SRFBP1: variants seen among roughly 807,000 people sequenced by gnomAD.
SRFBP1 encodes the protein serum response factor-binding protein 1.
Under a neutral mutation model 45.5 loss-of-function variants are expected in SRFBP1, and 47 were observed. That is an observed-to-expected ratio of 1.03 (90% CI 0.82 to 1.32). The LOEUF is 1.32. SRFBP1 is among the 40% of genes most tolerant of loss of function. The pLI, the probability that SRFBP1 is intolerant of heterozygous loss-of-function variation, is 0.00. For synonymous variants in SRFBP1, 203 were observed against 166.3 expected, an observed-to-expected ratio of 1.22 and a Z score of -1.70; for missense variants, 621 against 484.6, an observed-to-expected ratio of 1.28 and a Z score of -2.64.
chr5:121,989,699 C>T (rs373932433), intron 3 of SRFBP1, among the ~76,000 whole-genome samples: 7 of 152,232 alleles, frequency 4.6e-5, no homozygotes, highest in South Asian at 2.1e-4. Flanking sequence ...CTGGCACCTG[C>T]GTGGCTAAAT....
intron 4 of SRFBP1, among the ~76,000 whole-genome samples, chr5:122,007,359 T>G (rs1648801242): frequency 6.7e-6 from 1 of 149,422 alleles, no homozygotes; most frequent in South Asian, 2.1e-4. Flanking sequence ...CTCTGGATCC[T>G]CTAGAGCCTG....
chr5:122,040,142 A>G (rs1753750696), intron 2 of SRFBP1, among the ~76,000 whole-genome samples: 2 of 152,046 alleles, frequency 1.3e-5, no homozygotes, highest in Admixed American at 1.3e-4. Context: ...ATGTTGGGTC[A>G]TTACTTTTGA....
rs2112706948 is a variant in SRFBP1, at chr5:122,020,011, T to G, written c.353-77T>G. 15 of 973,232 alleles carry G rather than the reference T, an allele frequency of 1.5e-5. No homozygotes were observed. The South Asian group carries it at 3.4e-4, about 22-fold the overall frequency. 60.3% of individuals were successfully genotyped at this position (973,232 alleles called of 1,614,324 possible). A position where few individuals can be genotyped will look rare whatever the true frequency, so the allele number is the denominator to read the frequency against. ...CCTCTTAAATCTTTTCAAATAATTT[T>G]TTAAAATACTGTCCTAAAACAGTCA... On this transcript the variant is annotated intron_variant, in intron 5 of 7. Transcript: ENST00000339397.
At chr5:122,073,592 T>C (rs1437813741) in intron 2 of SRFBP1, among the ~76,000 whole-genome samples, 1 of 152,180 alleles carries the variant, frequency 6.6e-6, no homozygotes, top group East Asian at 1.9e-4. Context: ...GGTTAAGGAA[T>C]ACAGAATGGG....
At chr5:121,967,198 A>G (rs1432815340) in intron 1 of SRFBP1, among the ~76,000 whole-genome samples, 1 of 152,222 alleles carries the variant, frequency 6.6e-6, no homozygotes, top group Non-Finnish European at 1.5e-5. Context: ...GAACAAAATG[A>G]GTTTCCTCCA....
chr5:122,048,195 C>G (rs1753899022), intron 2 of SRFBP1, among the ~76,000 whole-genome samples: 1 of 152,122 alleles, frequency 6.6e-6, no homozygotes. Context: ...TCGTAGATAG[C>G]TCTTATTATT....
At chr5:122,011,914 A>T (rs908942791) in intron 4 of SRFBP1, among the ~76,000 whole-genome samples, 2 of 152,152 alleles carry the variant, frequency 1.3e-5, no homozygotes, top group Admixed American at 6.5e-5. Context: ...ACCTGAGCCC[A>T]TCTGCTTCAC....
rs917279116 is a variant in SRFBP1 at position 122,007,639 on chromosome 5, C to T, written c.271-11621C>T. Among the ~76,000 whole-genome samples the T allele has an allele frequency of 4.0e-5, 6 of 150,626 alleles. No homozygotes were observed. The South Asian group carries it at 1.1e-3, about 26-fold the overall frequency. On this transcript the variant is annotated intron_variant, in intron 4 of 7. Transcript: ENST00000339397. ...GGCCCGGGACCTGTGTAGACAGGAG[C>T]GGTCCTGCACCCTGGGTCTGTGTTG...
At chr5:122,044,408 T>A (rs1282709281) in intron 2 of SRFBP1, among the ~76,000 whole-genome samples, 1 of 152,170 alleles carries the variant, frequency 6.6e-6, no homozygotes, top group African/African-American at 2.4e-5. Context: ...CTCTTTCGAG[T>A]TCTTTGAGGA....
chr5:122,074,786 G>A (rs1054867656), intron 2 of SRFBP1, among the ~76,000 whole-genome samples: 6 of 151,936 alleles, frequency 3.9e-5, no homozygotes, highest in Non-Finnish European at 7.4e-5. Context: ...TCCCACATAA[G>A]GAAAAAACAA....
At chr5:121,985,040 A>G (rs1244356036) in intron 3 of SRFBP1, among the ~76,000 whole-genome samples, 2 of 151,918 alleles carry the variant, frequency 1.3e-5, no homozygotes, top group African/African-American at 4.8e-5. Flanking sequence ...ACAAAAATAT[A>G]TGTCTATACT....
chr5:121,969,447 C>T (rs1196125344), intron 1 of SRFBP1, among the ~76,000 whole-genome samples: 1 of 152,022 alleles, frequency 6.6e-6, no homozygotes, highest in Non-Finnish European at 1.5e-5. Context: ...ACACTGCCAA[C>T]TTTTGCCTCT....
chr5:122,035,008 A>C (rs1753665931), intron 2 of SRFBP1, among the ~76,000 whole-genome samples: 1 of 151,638 alleles, frequency 6.6e-6, no homozygotes, highest in Non-Finnish European at 1.5e-5. Context: ...TGGGCAGAGG[A>C]TAGCTTTCTG....
At position 121,962,085 on chromosome 5, in the gene SRFBP1, C is replaced by A; in HGVS notation, c.36+17C>A. ...AATAACGAGGTGAGCGCCGAGGAAC[C>A]TATGGGGCTGACTTTAAGGGTCCTC... is the stretch of plus-strand genomic sequence containing the variant. On this transcript the variant is annotated intron_variant, in intron 1 of 7. Coordinates refer to ENST00000339397, the MANE Select transcript of SRFBP1 (RefSeq NM_152546.3). The A allele has an allele frequency of 1.2e-6, 2 of 1,613,982 alleles. No individual in the cohort carries two copies. Among genetic ancestry groups the A allele is most frequent in the Non-Finnish European group, 1.7e-6 (2 of 1,180,004 alleles).
chr5:122,004,797 C>G (rs1433110042), intron 4 of SRFBP1, among the ~76,000 whole-genome samples: 1 of 152,072 alleles, frequency 6.6e-6, no homozygotes, highest in Non-Finnish European at 1.5e-5. Context: ...ATGAACTTCT[C>G]TCTTAGAACT....
intron 3 of SRFBP1, among the ~76,000 whole-genome samples, chr5:121,993,483 T>A (rs1752656790): frequency 6.6e-6 from 1 of 152,102 alleles, no homozygotes; most frequent in Non-Finnish European, 1.5e-5. Context: ...ATTTTTTGAA[T>A]TTATCATAGA....
At chr5:122,025,346 T>C (rs1436601941) in intron 7 of SRFBP1, among the ~76,000 whole-genome samples, 2 of 152,238 alleles carry the variant, frequency 1.3e-5, no homozygotes, top group Non-Finnish European at 2.9e-5. Context: ...CACATTTTCT[T>C]AATCCAGTCT....
At chr5:121,973,623 G>C (rs1004311662) in intron 1 of SRFBP1, among the ~76,000 whole-genome samples, 1 of 144,306 alleles carries the variant, frequency 6.9e-6, no homozygotes. Flanking sequence ...TGTGGGGGGG[G>C]GGCATGTATG....
At chr5:122,001,807 C>T (rs1416012127) in intron 4 of SRFBP1, among the ~76,000 whole-genome samples, 3 of 151,726 alleles carry the variant, frequency 2.0e-5, no homozygotes, top group East Asian at 1.9e-4. Context: ...ATGATCCACC[C>T]GCCTCGGCCT....
Sources: allele counts gnomAD v4.1 joint callset (sites outside exome capture counted in the v4.1 genomes callset), GRCh38; gene constraint gnomAD v4.1.1; transcripts MANE v1.5; gene names NCBI Gene and HGNC (gene_info 2026-07-23, HGNC 2026-07-21).